The following GAS7 variants were observed in gnomAD, a reference collection of about 807,000 sequenced individuals.
GAS7 encodes growth arrest-specific protein 7.
In GAS7, 28 loss-of-function variants were observed where a neutral mutation model predicts 71.1. The observed-to-expected ratio is 0.39, with a 90% CI of 0.29 to 0.54. The LOEUF (loss-of-function observed/expected upper bound fraction) is 0.54. Among genes scored for constraint, GAS7 ranks in the 20% least tolerant of loss-of-function variants. The probability of loss-of-function intolerance (pLI) is 0.62; values close to 1 mark genes in which losing one functional copy is unlikely to be tolerated. For synonymous variants in GAS7, 258 were observed against 245.8 expected, an observed-to-expected ratio of 1.05 and a Z score of -0.46; for missense variants, 436 against 627.8, an observed-to-expected ratio of 0.69 and a Z score of 3.27.
intron 1 of GAS7, among the ~76,000 whole-genome samples, chr17:10,116,072 A>G (rs780818600): frequency 2.0e-5 from 3 of 152,172 alleles, no homozygotes; most frequent in Non-Finnish European, 4.4e-5. Context: ...GCACTTTGGG[A>G]AGACAAGGGA....
At chr17:9,979,465 T>G (rs1597600180) in intron 3 of GAS7, among the ~76,000 whole-genome samples, 1 of 152,130 alleles carries the variant, frequency 6.6e-6, no homozygotes, top group Non-Finnish European at 1.5e-5. Context: ...TTGATGCACC[T>G]GTAGGGTAAA....
chr17:10,155,480 T>C lies in GAS7; in HGVS notation c.183+42728A>G, dbSNP rs143063880. Among the ~76,000 whole-genome samples, 1,102 of 152,332 alleles carry C rather than the reference T, an allele frequency of 7.2e-3. 8 individuals carry two copies. The highest frequency in any genetic ancestry group is 0.01 in the Non-Finnish European group (706 of 68,030). On this transcript the variant is annotated intron_variant, in intron 1 of 13. Coordinates refer to ENST00000432992, the MANE Select transcript of GAS7 (RefSeq NM_201433.2). ...GTCCTCATAAAAGTATTTGTAATAA[T>C]GTGTGAATGACTCGTGAGCTTCAAA...
At chr17:10,048,527 A>C (rs2073014415) in intron 1 of GAS7, among the ~76,000 whole-genome samples, 1 of 152,184 alleles carries the variant, frequency 6.6e-6, no homozygotes, top group Non-Finnish European at 1.5e-5. Context: ...CACCCCTTGG[A>C]AAGTGCTAGA....
intron 1 of GAS7, among the ~76,000 whole-genome samples, chr17:10,180,085 T>G (rs11658912): frequency 0.49 from 74,895 of 151,982 alleles, 18,744 homozygotes; most frequent in East Asian, 0.57. Flanking sequence ...TCATGGCTGT[T>G]ATCCCAGCAC....
intron 5 of GAS7, among the ~76,000 whole-genome samples, chr17:9,956,264 G>C (rs1020244727): frequency 4.6e-5 from 7 of 152,164 alleles, no homozygotes; most frequent in African/African-American, 1.7e-4. Flanking sequence ...TTCTCCCAGA[G>C]GAAAGCTGAT....
intron 1 of GAS7, among the ~76,000 whole-genome samples, chr17:10,049,542 AT>A (rs548520071): frequency 6.9e-6 from 1 of 144,228 alleles, no homozygotes; most frequent in South Asian, 2.3e-4. Context: ...CAATTTTAAA[AT>A]TTTACTTTAT....
intron 1 of GAS7, among the ~76,000 whole-genome samples, chr17:10,180,473 C>T (rs1294218279): frequency 6.6e-6 from 1 of 152,142 alleles, no homozygotes; most frequent in Admixed American, 6.5e-5. Flanking sequence ...AAACTGCCTG[C>T]CAAGATGCCC....
At chr17:10,057,396 C>T (rs2073155753) in intron 1 of GAS7, among the ~76,000 whole-genome samples, 1 of 151,932 alleles carries the variant, frequency 6.6e-6, no homozygotes, top group South Asian at 2.1e-4. Context: ...GGGAGCGCCT[C>T]TGCCCTGCCG....
chr17:10,079,029 A>T (rs1484414645), intron 1 of GAS7, among the ~76,000 whole-genome samples: 1 of 152,220 alleles, frequency 6.6e-6, no homozygotes, highest in East Asian at 1.9e-4. Context: ...AAGAAAGATC[A>T]AGATGACAAC....
chr17:9,919,372 G>A lies in GAS7; in HGVS notation c.1218+254C>T, dbSNP rs2067710597. The stretch of plus-strand genomic sequence containing the variant: ...TCCTCAGTTGACCCTGACCTCTCAG[G>A]GGACAGCCCAAGAAGGATGTAGCCA... On this transcript the variant is annotated intron_variant, in intron 12 of 13. Coordinates refer to ENST00000432992, the MANE Select transcript of GAS7 (RefSeq NM_201433.2). The surrounding 1 kb of genome is among the most constrained non-coding windows in gnomAD (Gnocchi z 5.0). 6.6e-6 allele frequency among the ~76,000 whole-genome samples: 1 copy of A among 152,078 alleles called. No individual in the cohort carries two copies. Among genetic ancestry groups the A allele is most frequent in the Non-Finnish European group, 1.5e-5 (1 of 68,004 alleles).
At chr17:10,033,831 G>C (rs1030905842) in intron 1 of GAS7, among the ~76,000 whole-genome samples, 1 of 152,172 alleles carries the variant, frequency 6.6e-6, no homozygotes, top group Admixed American at 6.5e-5. Context: ...TCCCCAACAC[G>C]GAGACTCATT....
intron 2 of GAS7, among the ~76,000 whole-genome samples, chr17:10,012,869 G>A (rs1001071788): frequency 3.9e-5 from 6 of 151,958 alleles, no homozygotes; most frequent in East Asian, 3.9e-4. Context: ...TTGGGAGGCC[G>A]AGGCAGGTGA....
At chr17:9,990,229 G>A (rs555078857) in intron 2 of GAS7, among the ~76,000 whole-genome samples, 5 of 151,960 alleles carry the variant, frequency 3.3e-5, no homozygotes, top group East Asian at 3.9e-4. Flanking sequence ...AGATCGCACC[G>A]CTGCACTTCA....
At chr17:9,994,118 C>T (rs1190287968) in intron 2 of GAS7, among the ~76,000 whole-genome samples, 5 of 147,892 alleles carry the variant, frequency 3.4e-5, no homozygotes, top group South Asian at 4.5e-4. Context: ...AGGTAATTTA[C>T]AGATTCAATG....
chr17:10,171,369 T>G (rs1167334237), intron 1 of GAS7, among the ~76,000 whole-genome samples: 2 of 152,178 alleles, frequency 1.3e-5, no homozygotes, highest in African/African-American at 2.4e-5. Context: ...GCTCCCTGCC[T>G]GTCACCAAGA....
At chr17:9,987,768 G>A (rs962282991) in intron 2 of GAS7, among the ~76,000 whole-genome samples, 16 of 152,358 alleles carry the variant, frequency 1.1e-4, no homozygotes, top group African/African-American at 2.6e-4. Context: ...TGAGCTAGGC[G>A]GAAGTTATTA....
At chr17:10,018,968 G>A (rs746517403) in intron 2 of GAS7, among the ~76,000 whole-genome samples, 14 of 152,234 alleles carry the variant, frequency 9.2e-5, no homozygotes, top group Admixed American at 1.3e-4. Context: ...GGGGAGTCAC[G>A]GAGGTCAAGA....
In GAS7 at chr17:9,919,493, C is replaced by A; in HGVS notation, c.1218+133G>T. On this transcript the variant is annotated intron_variant, in intron 12 of 13. Coordinates refer to ENST00000432992, the MANE Select transcript of GAS7 (RefSeq NM_201433.2). The surrounding 1 kb of genome is among the most constrained non-coding windows in gnomAD (Gnocchi z 5.0). ...CTGGCTCACATTGAGGTTTCGACCC[C>A]AACACTGAAGTAGATTTGATGACCA... The A allele has an allele frequency of 1.3e-6, 1 of 753,228 alleles. No homozygotes were observed. The highest frequency in any genetic ancestry group is 2.4e-6 in the Non-Finnish European group (1 of 412,854). The allele number at this position is 753,228 out of a possible 1,614,324, so 46.7% of individuals were successfully genotyped here. A position where few individuals can be genotyped will look rare whatever the true frequency, so the allele number is the denominator to read the frequency against.
rs574530927 is a variant in GAS7 at position 10,053,374 on chromosome 17, T to G, written c.184-33477A>C. Among the ~76,000 whole-genome samples, 5 of 152,306 alleles carry G rather than the reference T, an allele frequency of 3.3e-5. No individual in the cohort carries two copies. In the South Asian group the frequency reaches 1.0e-3, roughly 32 times the overall value. On this transcript the variant is annotated intron_variant, in intron 1 of 13. Transcript: ENST00000432992. ...GAAAGCTGAAGGAGGCCAAGTGATCTTCTATGAAAACAGCAGTCTGAGTTA... is the reference window on the plus strand; with the variant it reads ...GAAAGCTGAAGGAGGCCAAGTGATCGTCTATGAAAACAGCAGTCTGAGTTA...
Sources: allele counts gnomAD v4.1 joint callset (sites outside exome capture counted in the v4.1 genomes callset), GRCh38; gene constraint gnomAD v4.1.1; non-coding constraint Gnocchi (gnomAD v3.1); transcripts MANE v1.5; gene names NCBI Gene and HGNC (gene_info 2026-07-23, HGNC 2026-07-21).